The following EPHA3 variants were observed in gnomAD, a reference collection of about 807,000 sequenced individuals.
EPHA3 encodes the protein EPH receptor A3, also known as ephrin type-A receptor 3.
In EPHA3, 42 loss-of-function variants were observed where a neutral mutation model predicts 107.1. The observed-to-expected ratio is 0.39, with a 90% CI of 0.31 to 0.51. The LOEUF (loss-of-function observed/expected upper bound fraction) is 0.51, where lower values mean the gene tolerates loss of function less well. EPHA3 is among the 20% of genes least tolerant of loss of function. EPHA3 has a pLI of 0.78. For missense variants in EPHA3, 1,183 were observed against 1,211.2 expected (o/e 0.98, Z 0.35); for synonymous variants, 461 against 424.8 (o/e 1.09, Z -1.05).
chr3:89,326,733 T>C (rs946806024), intron 3 of EPHA3, among the ~76,000 whole-genome samples: 2 of 152,052 alleles, frequency 1.3e-5, no homozygotes, highest in African/African-American at 4.8e-5. Flanking sequence ...CTGTGGTTGA[T>C]TGAATCCATA....
At chr3:89,429,011 C>T (rs992525490) in intron 11 of EPHA3, 95 bp from the exon 12 acceptor site, 1 of 777,062 alleles carries the variant, frequency 1.3e-6, no homozygotes, top group Admixed American at 2.6e-5. Context: ...TCTTACATCT[C>T]TATAATCCTC....
chr3:89,145,812 C>T (rs952277373), intron 2 of EPHA3, among the ~76,000 whole-genome samples: 10 of 151,626 alleles, frequency 6.6e-5, no homozygotes, highest in African/African-American at 2.4e-4. Context: ...CTCCATTTCA[C>T]TGTTGCTTTA....
chr3:89,312,564 C>A (rs1461502433), intron 3 of EPHA3, among the ~76,000 whole-genome samples: 1 of 151,198 alleles, frequency 6.6e-6, no homozygotes, highest in Non-Finnish European at 1.5e-5. Flanking sequence ...TTTCATTATA[C>A]CCGTTATAGT....
intron 15 of EPHA3, among the ~76,000 whole-genome samples, chr3:89,468,972 G>A (rs73846182): frequency 0.034 from 5,164 of 152,068 alleles, 293 homozygotes; most frequent in African/African-American, 0.12. Context: ...TTGCATATAT[G>A]TTTCAGAAGA....
At chr3:89,358,464 T>C (rs1708014640) in intron 5 of EPHA3, among the ~76,000 whole-genome samples, 1 of 151,138 alleles carries the variant, frequency 6.6e-6, no homozygotes, top group African/African-American at 2.4e-5. Flanking sequence ...TATGAGCCAG[T>C]TACTATACTG....
At chr3:89,293,886 G>A (rs115409048) in intron 3 of EPHA3, among the ~76,000 whole-genome samples, 13 of 152,240 alleles carry the variant, frequency 8.5e-5, no homozygotes, top group South Asian at 2.1e-4. Flanking sequence ...AATCATCTCT[G>A]TAGTTGTAGT....
At chr3:89,293,147 G>A (rs913146266) in intron 3 of EPHA3, among the ~76,000 whole-genome samples, 4 of 151,964 alleles carry the variant, frequency 2.6e-5, no homozygotes, top group African/African-American at 9.7e-5. Context: ...TATTTTCTTT[G>A]GTGAAGAGTC....
At chr3:89,123,385 C>G (rs1391914822) in intron 1 of EPHA3, among the ~76,000 whole-genome samples, 2 of 152,136 alleles carry the variant, frequency 1.3e-5, no homozygotes, top group Non-Finnish European at 2.9e-5. Context: ...TCTGGTGATC[C>G]ACTTGCCTTG....
At chr3:89,126,861 G>T (rs1472079006) in intron 1 of EPHA3, among the ~76,000 whole-genome samples, 1 of 151,634 alleles carries the variant, frequency 6.6e-6, no homozygotes, top group Non-Finnish European at 1.5e-5. Flanking sequence ...TAATATTTTT[G>T]AAGTTATTTT....
intron 10 of EPHA3, among the ~76,000 whole-genome samples, chr3:89,416,029 C>T (rs529730970): frequency 6.6e-6 from 1 of 151,428 alleles, no homozygotes; most frequent in South Asian, 2.1e-4. Context: ...GACACAGAAG[C>T]ATTGTTCAAT....
chr3:89,158,605 A>C (rs1205170046), intron 2 of EPHA3, among the ~76,000 whole-genome samples: 1 of 152,168 alleles, frequency 6.6e-6, no homozygotes, highest in East Asian at 1.9e-4. Context: ...ATTCATAATA[A>C]ATGAACACAT....
chr3:89,317,957 T>A lies in EPHA3; in HGVS notation c.815-22959T>A, dbSNP rs574562733. Among the ~76,000 whole-genome samples the A allele has an allele frequency of 3.9e-5, 6 of 151,956 alleles. No individual in the cohort carries two copies. In the East Asian group the frequency reaches 1.2e-3, roughly 29 times the overall value. On this transcript the variant is annotated intron_variant, in intron 3 of 16. Coordinates refer to ENST00000336596, the MANE Select transcript of EPHA3 (RefSeq NM_005233.6). ...TCATTTTATAGCCAGAGAAAAATAG[T>A]ACTTGTCTGGAATATATATAATATT...
intron 9 of EPHA3, among the ~76,000 whole-genome samples, chr3:89,408,966 C>T (rs1466447903): frequency 6.6e-6 from 1 of 152,006 alleles, no homozygotes; most frequent in Admixed American, 6.6e-5. Flanking sequence ...TGACATGATA[C>T]TTTGTATCAG....
In EPHA3 at chr3:89,481,912, T is replaced by C. The variant is rs1353260591; in HGVS notation, c.*2410T>C. On this transcript the variant is annotated 3_prime_UTR_variant, in exon 17 of 17. Transcript: ENST00000336596. Reference sequence around the variant, plus strand: ...AATTTGATTTACATATATTATTTATTTCTGGTAACTCACTCAGTTTATGCT... The same window carrying C: ...AATTTGATTTACATATATTATTTATCTCTGGTAACTCACTCAGTTTATGCT... 8.8e-6 allele frequency: 2 copies of C among 227,594 alleles called. No homozygotes were observed. The highest frequency in any genetic ancestry group is 1.8e-5 in the Non-Finnish European group (2 of 114,280). The allele number at this position is 227,594 out of a possible 1,614,324, so 14.1% of individuals were successfully genotyped here. A position where few individuals can be genotyped will look rare whatever the true frequency, so the allele number is the denominator to read the frequency against.
At chr3:89,330,638 G>A (rs182070486) in intron 3 of EPHA3, among the ~76,000 whole-genome samples, 2 of 152,160 alleles carry the variant, frequency 1.3e-5, no homozygotes, top group East Asian at 1.9e-4. Context: ...AAAATGCAAT[G>A]ATGTCACCAT....
intron 3 of EPHA3, among the ~76,000 whole-genome samples, chr3:89,305,861 T>C (rs2107352633): frequency 6.6e-6 from 1 of 152,316 alleles, no homozygotes; most frequent in Admixed American, 6.5e-5. Context: ...TTTTCTAACA[T>C]GTTATCGATG....
At chr3:89,166,728 C>A (rs985202045) in intron 2 of EPHA3, among the ~76,000 whole-genome samples, 2 of 152,010 alleles carry the variant, frequency 1.3e-5, no homozygotes, top group South Asian at 2.1e-4. Context: ...TCAGAAATGT[C>A]GTACTCTCAG....
At chr3:89,444,241 GCTA>G (rs1401353565) in intron 13 of EPHA3, among the ~76,000 whole-genome samples, 1 of 152,102 alleles carries the variant, frequency 6.6e-6, no homozygotes, top group Admixed American at 6.6e-5. Flanking sequence ...AGGCACTACT[GCTA>G]CTACTTTTAC....
chr3:89,381,268 G>C (rs1019850372), intron 5 of EPHA3, among the ~76,000 whole-genome samples: 2 of 151,526 alleles, frequency 1.3e-5, no homozygotes, highest in East Asian at 2.0e-4. Flanking sequence ...CACCGCGCCC[G>C]GCCTATAGGC....
Sources: allele counts gnomAD v4.1 joint callset (sites outside exome capture counted in the v4.1 genomes callset), GRCh38; gene constraint gnomAD v4.1.1; transcripts MANE v1.5; gene names NCBI Gene and HGNC (gene_info 2026-07-23, HGNC 2026-07-21).